LAMA3: variants seen among roughly 807,000 people sequenced by gnomAD.
LAMA3 encodes the protein laminin subunit alpha-3.
A neutral mutation model predicts 402.0 loss-of-function variants in LAMA3; 281 were observed. The ratio of observed to expected loss-of-function variants is 0.70; its 90% CI spans 0.63 to 0.77. The LOEUF (loss-of-function observed/expected upper bound fraction) is 0.77, where lower values mean the gene tolerates loss of function less well. LAMA3 is among the 30% of genes least tolerant of loss of function. LAMA3 has a pLI of 0.00. For synonymous variants in LAMA3, 1,431 were observed against 1,558.4 expected (o/e 0.92, Z 1.93); for missense variants, 3,840 against 4,215.5 (o/e 0.91, Z 2.47).
Position 23,816,454 on chromosome 18 carries a change from G to A in LAMA3, c.2114G>A (p.Cys705Tyr). ...AGTGGGCCCTCGGGAGTGTGCCAGTGCCGAGAGCATGTCGTGGGAAAGGTG... is the reference window on the plus strand; with the variant it reads ...AGTGGGCCCTCGGGAGTGTGCCAGTACCGAGAGCATGTCGTGGGAAAGGTG... ...MCSGPSGVCQ[C>Y]REHVVGKVCQ... Residue 705 changes from cysteine (C) to tyrosine (Y), a missense_variant, in exon 18 of 75, where the codon TGC (cysteine) becomes TAC (tyrosine). Physicochemically the swap from Cys to Tyr is radical, Grantham distance 194 (BLOSUM62 -2). Around this residue, in one of 3 missense-constraint regions of LAMA3, gnomAD observed 2,109 missense variants for 2,376.0 expected, o/e 0.89. Coordinates refer to ENST00000313654, the MANE Select transcript of LAMA3 (RefSeq NM_198129.4). The A allele has an allele frequency of 6.2e-7, 1 of 1,613,996 alleles. No homozygotes were observed. The highest frequency in any genetic ancestry group is 2.2e-5 in the East Asian group (1 of 44,882).
intron 69 of LAMA3, among the ~76,000 whole-genome samples, chr18:23,944,484 T>G (rs894814745): frequency 6.6e-6 from 1 of 152,234 alleles, no homozygotes; most frequent in Non-Finnish European, 1.5e-5. Context: ...TTCAGCTGCC[T>G]TCCTGGAACA....
At chr18:23,807,513 G>A (rs1318702116) in intron 12 of LAMA3, among the ~76,000 whole-genome samples, 1 of 151,694 alleles carries the variant, frequency 6.6e-6, no homozygotes, top group African/African-American at 2.4e-5. Flanking sequence ...TGTGTGTAGG[G>A]ATGGGGAGAG....
chr18:23,883,996 C>CATCAGTG (rs1806809757), intron 40 of LAMA3, among the ~76,000 whole-genome samples: 1 of 151,498 alleles, frequency 6.6e-6, no homozygotes, highest in Admixed American at 6.6e-5. Flanking sequence ...CCTCAGATGT[C>CATCAGTG]ATCAGTGTCA....
At chr18:23,919,480 T>C (rs940551573) in intron 60 of LAMA3, among the ~76,000 whole-genome samples, 1 of 152,258 alleles carries the variant, frequency 6.6e-6, no homozygotes. Context: ...AAAGGAATGC[T>C]GTTAATAGGT....
chr18:23,897,969 T>C (rs2080932654), intron 44 of LAMA3, among the ~76,000 whole-genome samples: 1 of 152,190 alleles, frequency 6.6e-6, no homozygotes, highest in Non-Finnish European at 1.5e-5. Context: ...GGTTTGGACC[T>C]AGGCTTTATT....
chr18:23,870,210 G>A (rs956008124), intron 37 of LAMA3, among the ~76,000 whole-genome samples: 38 of 152,186 alleles, frequency 2.5e-4, no homozygotes, highest in African/African-American at 8.9e-4. Context: ...GGCTGAGGCA[G>A]GAGAATCACT....
rs187893939 is a variant in LAMA3, at chr18:23,871,312, A to G, written c.4768-119A>G. The stretch of plus-strand genomic sequence containing the variant: ...GGCAGGTATTTCCCCGTCTTATTTC[A>G]TTTCTCCCTATGCATTTTAAGTGTC... On this transcript the variant is annotated intron_variant, in intron 37 of 74. Transcript: ENST00000313654. 1.4e-4 allele frequency: 115 copies of G among 794,736 alleles called. No homozygotes were observed. The African/African-American group carries it at 1.8e-3, about 13-fold the overall frequency. The allele number at this position is 794,736 out of a possible 1,614,324, so 49.2% of individuals were successfully genotyped here.
chr18:23,907,968 C>T, intron 54 of LAMA3, 33 bp downstream of exon 54: 3 of 1,594,990 alleles, frequency 1.9e-6, no homozygotes, highest in Non-Finnish European at 2.6e-6. Context: ...GACATCTTAG[C>T]CATTCTCTCC....
intron 39 of LAMA3, among the ~76,000 whole-genome samples, 187 bp downstream of exon 39, chr18:23,876,594 A>G (rs1598978394): frequency 1.3e-5 from 2 of 152,206 alleles, no homozygotes; most frequent in African/African-American, 4.8e-5. Context: ...CCATTTTAAC[A>G]TGCACCATTA....
At chr18:23,908,061 C>T (rs916366420) in intron 54 of LAMA3, 126 bp downstream of exon 54, 7 of 877,522 alleles carry the variant, frequency 8.0e-6, no homozygotes, top group Middle Eastern at 6.2e-4. Flanking sequence ...ACAGCTCCAC[C>T]TGATACAGGA....
intron 39 of LAMA3, among the ~76,000 whole-genome samples, chr18:23,877,084 C>A (rs1347910926): frequency 6.6e-6 from 1 of 152,172 alleles, no homozygotes; most frequent in Non-Finnish European, 1.5e-5. Context: ...CAGTCCAACA[C>A]AAGCTTCACT....
At chr18:23,860,542 A>G (rs2064193154) in intron 34 of LAMA3, among the ~76,000 whole-genome samples, 1 of 151,904 alleles carries the variant, frequency 6.6e-6, no homozygotes, top group Non-Finnish European at 1.5e-5. Flanking sequence ...TACAGGTGTG[A>G]GCCACCACAC....
At chr18:23,723,546 G>C (rs925080303) in intron 2 of LAMA3, among the ~76,000 whole-genome samples, 1 of 152,138 alleles carries the variant, frequency 6.6e-6, no homozygotes, top group Non-Finnish European at 1.5e-5. Flanking sequence ...TCTGGAAAGA[G>C]ATACTTGAAC....
intron 49 of LAMA3, 79 bp downstream of exon 49, chr18:23,903,204 C>T (rs2081131873): frequency 1.1e-6 from 1 of 906,110 alleles, no homozygotes; most frequent in South Asian, 1.3e-5. Flanking sequence ...ATGGGCTGAC[C>T]TACTTTTTTG....
At chr18:23,914,982 C>A in intron 58 of LAMA3, 122 bp downstream of exon 58, 1 of 840,948 alleles carries the variant, frequency 1.2e-6, no homozygotes, top group Non-Finnish European at 1.9e-6. Flanking sequence ...TCTTACAGCA[C>A]ATTCTAGAGA....
intron 12 of LAMA3, among the ~76,000 whole-genome samples, chr18:23,803,659 C>G (rs1426480037): frequency 6.6e-6 from 1 of 152,212 alleles, no homozygotes; most frequent in Non-Finnish European, 1.5e-5. Flanking sequence ...CTGGCCATTT[C>G]TCCTTCCAAG....
chr18:23,841,965 T>TGCATAGC (rs2063711828), intron 27 of LAMA3, among the ~76,000 whole-genome samples: 1 of 152,166 alleles, frequency 6.6e-6, no homozygotes, highest in South Asian at 2.1e-4. Flanking sequence ...ATGGTTATTA[T>TGCATAGC]GCATAGCACA....
At chr18:23,740,151 T>C (rs996476035) in intron 2 of LAMA3, among the ~76,000 whole-genome samples, 4 of 152,154 alleles carry the variant, frequency 2.6e-5, no homozygotes, top group Admixed American at 1.3e-4. Context: ...CTCAGAGCTG[T>C]TGGGTTCCGG....
In LAMA3 at chr18:23,804,900, C is replaced by A. The variant is rs190249941; in HGVS notation, c.1604-5466C>A. On this transcript the variant is annotated intron_variant, in intron 12 of 74. Transcript: ENST00000313654. ...GTACTGGCTCCCCTTTACCTTCTGC[C>A]ATGGGTTGTAAGTTCCCTGAGACCC... Among the ~76,000 whole-genome samples, 18 of 152,280 alleles carry A rather than the reference C, an allele frequency of 1.2e-4. No individual in the cohort carries two copies. The East Asian group carries it at 2.9e-3, about 24-fold the overall frequency.
Sources: allele counts gnomAD v4.1 joint callset (sites outside exome capture counted in the v4.1 genomes callset), GRCh38; gene constraint gnomAD v4.1.1; regional missense constraint gnomAD v4.1.1; transcripts MANE v1.5; gene names NCBI Gene and HGNC (gene_info 2026-07-23, HGNC 2026-07-21).